Variants in RFPL2 observed in about 807,000 individuals in gnomAD.
The protein encoded by RFPL2 is ret finger protein like 2, also known as ret finger protein-like 2.
A neutral mutation model predicts 17.8 loss-of-function variants in RFPL2; 13 were observed. That is an observed-to-expected ratio of 0.73 (90% CI 0.47 to 1.16). RFPL2 has a LOEUF of 1.16. Among genes scored for constraint, RFPL2 ranks in the 50% most tolerant of loss-of-function variants. The probability of loss-of-function intolerance (pLI) is 0.00; values close to 1 mark genes in which losing one functional copy is unlikely to be tolerated. For synonymous variants in RFPL2, 189 were observed against 180.9 expected, an observed-to-expected ratio of 1.04 and a Z score of -0.36; for missense variants, 431 against 479.3, an observed-to-expected ratio of 0.90 and a Z score of 0.94.
intron 3 of RFPL2, 183 bp from the exon 4 acceptor site, chr22:32,193,375 GTTCTA>G (rs1922932528): frequency 6.5e-7 from 1 of 1,547,964 alleles, no homozygotes; most frequent in African/African-American, 1.4e-5. Context: ...GAGATTTGAA[GTTCTA>G]TTGGGAAAGT....
intron 2 of RFPL2, among the ~76,000 whole-genome samples, chr22:32,195,103 C>A (rs970118873): frequency 6.6e-6 from 1 of 152,150 alleles, no homozygotes; most frequent in African/African-American, 2.4e-5. Flanking sequence ...CGAATCTTTT[C>A]GTCTTCATGC....
At chr22:32,197,564 C>T (rs941245922) in intron 2 of RFPL2, among the ~76,000 whole-genome samples, 1 of 152,166 alleles carries the variant, frequency 6.6e-6, no homozygotes, top group Non-Finnish European at 1.5e-5. Flanking sequence ...CCTGTCCCCC[C>T]ATCCCACGAC....
Position 32,190,781 on chromosome 22 carries a change from C to A in RFPL2, c.1128G>T (p.Glu376Asp). ...TTTTTGGAGTGAGGGCTTATTTGGCCTCCCCAGGACGGACTGGAGCATCAG... is the reference window on the plus strand; with the variant it reads ...TTTTTGGAGTGAGGGCTTATTTGGCATCCCCAGGACGGACTGGAGCATCAG... ...GTTDAPVRPG[E>D]AK Residue 376 changes from glutamate to aspartate, a missense_variant, in exon 5 of 5, where the codon GAG becomes GAT. By Grantham distance (45) the Glu-to-Asp change is conservative (BLOSUM62 2). Coordinates refer to ENST00000652607, the MANE Select transcript of RFPL2 (RefSeq NM_001394555.1). The A allele has an allele frequency of 6.7e-7, 1 of 1,495,262 alleles. No homozygotes were observed. The highest frequency in any genetic ancestry group is 8.9e-7 in the Non-Finnish European group (1 of 1,122,054). 92.6% of individuals were successfully genotyped at this position (1,495,262 alleles called of 1,614,324 possible). A position where few individuals can be genotyped will look rare whatever the true frequency, so the allele number is the denominator to read the frequency against.
At chr22:32,204,512 G>C (rs1360047810) in intron 1 of RFPL2, among the ~76,000 whole-genome samples, 195 bp downstream of exon 1, 2 of 152,218 alleles carry the variant, frequency 1.3e-5, no homozygotes, top group African/African-American at 4.8e-5. Flanking sequence ...TGCAGCTCCA[G>C]ATCGTGCATC....
At chr22:32,202,780 G>C (rs1023914950) in intron 1 of RFPL2, 3 of 1,077,288 alleles carry the variant, frequency 2.8e-6, no homozygotes, top group South Asian at 6.8e-5. Context: ...TGCACTCCTC[G>C]GGAAGCAGGA....
At chr22:32,192,202 G>C (rs551100858) in intron 4 of RFPL2, among the ~76,000 whole-genome samples, 3 of 152,260 alleles carry the variant, frequency 2.0e-5, no homozygotes, top group African/African-American at 7.2e-5. Context: ...TACCAGTGTC[G>C]GGGACATCAT....
Position 32,191,498 on chromosome 22 carries a change from C to A in RFPL2, c.557-146G>T, listed in dbSNP as rs530367746. 9 of 952,482 alleles carry A rather than the reference C, an allele frequency of 9.4e-6. No individual in the cohort carries two copies. In the African/African-American group the frequency reaches 1.3e-4, roughly 14 times the overall value. The allele number at this position is 952,482 out of a possible 1,614,324, so 59.0% of individuals were successfully genotyped here. Reference sequence around the variant, plus strand: ...AATCCAAACTTCATGAGGTAACTTCCCTGACTAGTTCAAATTCTCATAGGT... The same window carrying A: ...AATCCAAACTTCATGAGGTAACTTCACTGACTAGTTCAAATTCTCATAGGT... On this transcript the variant is annotated intron_variant, in intron 4 of 4. Coordinates refer to ENST00000652607, the MANE Select transcript of RFPL2 (RefSeq NM_001394555.1).
chr22:32,202,183 T>C (rs1923985953), intron 2 of RFPL2, 150 bp downstream of exon 2: 2 of 940,228 alleles, frequency 2.1e-6, no homozygotes, highest in Non-Finnish European at 3.1e-6. Context: ...CCCCCCACTT[T>C]CTGTCTTCCT....
At chr22:32,199,859 G>A in intron 2 of RFPL2, 2 of 413,348 alleles carry the variant, frequency 4.8e-6, no homozygotes. Context: ...ATACACTGAG[G>A]TCAGGGGGCT....
chr22:32,197,585 G>A (rs1923484326), intron 2 of RFPL2, among the ~76,000 whole-genome samples: 1 of 152,044 alleles, frequency 6.6e-6, no homozygotes, highest in East Asian at 1.9e-4. Flanking sequence ...AGGCCCTGGT[G>A]TGTGATGTTC....
intron 4 of RFPL2, 101 bp from the exon 5 acceptor site, chr22:32,191,453 T>C: frequency 7.1e-7 from 1 of 1,416,248 alleles, no homozygotes; most frequent in Non-Finnish European, 9.5e-7. Context: ...TTAGTTTCTT[T>C]AATTCTCTTC....
intron 2 of RFPL2, chr22:32,199,925 C>T: frequency 3.8e-6 from 2 of 520,864 alleles, no homozygotes; most frequent in Non-Finnish European, 3.9e-6. Context: ...ACAGGCCAGC[C>T]CAAGGCCACC....
At chr22:32,195,464 C>CT (rs67065908) in intron 2 of RFPL2, among the ~76,000 whole-genome samples, 69,150 of 150,568 alleles carry the variant, frequency 0.46, 17,953 homozygotes, top group East Asian at 0.85. Flanking sequence ...TTTCTTTTTT[C>CT]TTTTTTTTTG....
chr22:32,190,982 A>G lies in RFPL2; in HGVS notation c.927T>C (p.Phe309=). The change falls in exon 5 of 5, where the codon TTT becomes TTC. Residue 309 remains phenylalanine, a synonymous_variant. Transcript: ENST00000652607. ...VDRKLQRVGI[F]LDMGMQNVSF... is the part of the protein sequence containing the mutation. ...AAACGTTCTGCATGCCCATATCCAG[A>G]AAAATCCCCACTCGCTGTAACTTGC... 6.2e-7 allele frequency: 1 copy of G among 1,610,626 alleles called. No individual in the cohort carries two copies. Among genetic ancestry groups the G allele is most frequent in the Non-Finnish European group, 8.5e-7 (1 of 1,177,884 alleles).
chr22:32,197,222 A>T (rs533799453), intron 2 of RFPL2, among the ~76,000 whole-genome samples: 2 of 152,194 alleles, frequency 1.3e-5, no homozygotes, highest in African/African-American at 2.4e-5. Flanking sequence ...GAATGTAAAG[A>T]TATGAGTCCC....
In RFPL2 at chr22:32,203,553, G is replaced by A. The variant is rs117148492; in HGVS notation, c.-99-1003C>T. ...CCGAACTCACTCCCTGCTGGGCAGT[G>A]CAACCCCACATAGCATCCAACCCGC... On this transcript the variant is annotated intron_variant, in intron 1 of 4. Coordinates refer to ENST00000652607, the MANE Select transcript of RFPL2 (RefSeq NM_001394555.1). 996 of 152,076 alleles carry A rather than the reference G, an allele frequency of 6.5e-3. 11 individuals carry two copies. Among genetic ancestry groups the A allele is most frequent in the Non-Finnish European group, 8.2e-3 (557 of 68,182 alleles). 9.4% of individuals were successfully genotyped at this position (152,076 alleles called of 1,614,324 possible). A position where few individuals can be genotyped will look rare whatever the true frequency, so the allele number is the denominator to read the frequency against.
chr22:32,197,742 C>T (rs1433292575), intron 2 of RFPL2, among the ~76,000 whole-genome samples: 1 of 152,118 alleles, frequency 6.6e-6, no homozygotes, highest in Non-Finnish European at 1.5e-5. Context: ...TGAACTCATC[C>T]TTTTTTATGG....
At chr22:32,202,238 C>A in intron 2 of RFPL2, 95 bp downstream of exon 2, 1 of 1,466,622 alleles carries the variant, frequency 6.8e-7, no homozygotes, top group African/African-American at 1.4e-5. Flanking sequence ...ATCCCCACAT[C>A]TCCTCCTCTC....
Position 32,191,272 on chromosome 22 carries a change from T to G in RFPL2, c.637A>C (p.Ile213Leu). ...GCAAGGTCTTGCCGATTCTGTCTGA[T>G]GCGCCCACTTCGGACGCTCCTGAGG... is the stretch of plus-strand genomic sequence containing the variant. Reference protein sequence around the residue: ...DDLRSVRSGRIRQNRQDLAER... With the variant: ...DDLRSVRSGRLRQNRQDLAER... The change falls in exon 5 of 5, where the codon ATC (isoleucine) becomes CTC (leucine). Residue 213 changes from isoleucine (I) to leucine (L), a missense_variant. Coordinates refer to ENST00000652607, the MANE Select transcript of RFPL2 (RefSeq NM_001394555.1). The G allele has an allele frequency of 1.9e-6, 3 of 1,613,964 alleles. No individual in the cohort carries two copies. The Admixed American group carries it at 5.0e-5, about 27-fold the overall frequency.
Sources: gnomAD v4.1 joint callset for allele counts (sites outside exome capture counted in the v4.1 genomes callset) on GRCh38, gnomAD v4.1.1 for gene constraint, MANE v1.5 for transcripts, NCBI Gene and HGNC (gene_info 2026-07-23, HGNC 2026-07-21) for gene names.